KCNIP4: variants seen among roughly 807,000 people sequenced by gnomAD.
KCNIP4 encodes the protein Kv channel-interacting protein 4.
A neutral mutation model predicts 34.0 loss-of-function variants in KCNIP4; 12 were observed. The observed-to-expected ratio is 0.35, with a 90% confidence interval of 0.23 to 0.57. KCNIP4 has a LOEUF of 0.57. Among genes scored for constraint, KCNIP4 ranks in the 20% least tolerant of loss-of-function variants. The pLI is 0.83. For synonymous variants in KCNIP4, 124 were observed against 102.2 expected (o/e 1.21, Z -1.29); for missense variants, 238 against 311.7 (o/e 0.76, Z 1.78).
chr4:21,622,917 C>A (rs1910525), intron 1 of KCNIP4, among the ~76,000 whole-genome samples: 32 of 151,862 alleles, frequency 2.1e-4, no homozygotes, highest in Non-Finnish European at 4.4e-4. Flanking sequence ...AACTTAATAA[C>A]TGGGAAGATT....
intron 1 of KCNIP4, among the ~76,000 whole-genome samples, chr4:21,896,556 T>A (rs1306350013): frequency 3.9e-5 from 6 of 152,162 alleles, no homozygotes; most frequent in Admixed American, 3.9e-4. Flanking sequence ...GTTGAGGCTA[T>A]CATGAAAGGC....
At chr4:21,037,753 A>G (rs1456397927) in intron 1 of KCNIP4, among the ~76,000 whole-genome samples, 1 of 152,228 alleles carries the variant, frequency 6.6e-6, no homozygotes, top group Non-Finnish European at 1.5e-5. Context: ...GCCATTCACA[A>G]AGGAAGTTAA....
intron 1 of KCNIP4, among the ~76,000 whole-genome samples, chr4:21,427,736 AT>A (rs1422036464): frequency 3.3e-5 from 5 of 152,320 alleles, no homozygotes; most frequent in Admixed American, 3.3e-4. Context: ...TCTTGACATG[AT>A]AGGCATAAGA....
chr4:21,520,739 C>T (rs1171462018), intron 1 of KCNIP4, among the ~76,000 whole-genome samples: 2 of 152,054 alleles, frequency 1.3e-5, no homozygotes, highest in African/African-American at 2.4e-5. Flanking sequence ...AAAAATGCTG[C>T]CTGCCCACCT....
chr4:21,112,821 C>T (rs112774341), intron 1 of KCNIP4, among the ~76,000 whole-genome samples: 3,862 of 152,184 alleles, frequency 0.025, 62 homozygotes, highest in Non-Finnish European at 0.04. Context: ...TGTTTCCATA[C>T]TCATCTGGCT....
At chr4:20,859,664 C>T (rs975583525) in intron 2 of KCNIP4, among the ~76,000 whole-genome samples, 8 of 152,104 alleles carry the variant, frequency 5.3e-5, no homozygotes, top group East Asian at 1.9e-4. Context: ...AAATAGTCAT[C>T]GTTCTCCTCT....
intron 1 of KCNIP4, among the ~76,000 whole-genome samples, chr4:21,042,127 T>C (rs1419728284): frequency 2.0e-5 from 3 of 152,158 alleles, no homozygotes; most frequent in Non-Finnish European, 2.9e-5. Context: ...GGGAGCCGCC[T>C]TAAGGGTGTT....
chr4:21,214,135 T>C (rs1367441192), intron 1 of KCNIP4, among the ~76,000 whole-genome samples: 1 of 152,222 alleles, frequency 6.6e-6, no homozygotes, highest in Admixed American at 6.5e-5. Context: ...TAGCACTGTG[T>C]CTGGTCAGTA....
chr4:20,929,910 C>T (rs1399855643), intron 1 of KCNIP4, among the ~76,000 whole-genome samples: 1 of 151,756 alleles, frequency 6.6e-6, no homozygotes, highest in Non-Finnish European at 1.5e-5. Flanking sequence ...GTTCATGAAT[C>T]AAAAAATTTA....
At chr4:21,430,550 C>T (rs551547836) in intron 1 of KCNIP4, among the ~76,000 whole-genome samples, 1 of 152,158 alleles carries the variant, frequency 6.6e-6, no homozygotes, top group South Asian at 2.1e-4. Flanking sequence ...ATGGGTGATG[C>T]TTCAAAAGCC....
intron 1 of KCNIP4, among the ~76,000 whole-genome samples, chr4:21,398,166 A>G (rs1039044500): frequency 6.6e-6 from 1 of 152,214 alleles, no homozygotes; most frequent in African/African-American, 2.4e-5. Context: ...TTTTCCCAGA[A>G]TTTAAGCTAA....
chr4:21,298,021 G>T (rs1049393002), intron 1 of KCNIP4, among the ~76,000 whole-genome samples: 3 of 152,076 alleles, frequency 2.0e-5, no homozygotes, highest in Non-Finnish European at 4.4e-5. Flanking sequence ...TTACTTCCTT[G>T]TGATCTTAAG....
chr4:20,762,652 A>G (rs1253645731), intron 3 of KCNIP4, among the ~76,000 whole-genome samples: 1 of 152,208 alleles, frequency 6.6e-6, no homozygotes, highest in Admixed American at 6.5e-5. Context: ...AACATAAACA[A>G]TGTGCTGTAT....
intron 3 of KCNIP4, among the ~76,000 whole-genome samples, chr4:20,777,487 G>T (rs1756474595): frequency 6.6e-6 from 1 of 152,136 alleles, no homozygotes; most frequent in African/African-American, 2.4e-5. Context: ...TTATAAAAGA[G>T]GCCCAAAGAG....
chr4:21,406,458 G>A (rs138548151), intron 1 of KCNIP4, among the ~76,000 whole-genome samples: 3 of 152,140 alleles, frequency 2.0e-5, no homozygotes, highest in Admixed American at 6.5e-5. Context: ...CATCACCCAC[G>A]GGCAAAAAGC....
chr4:21,813,901 C>A (rs188852814), intron 1 of KCNIP4, among the ~76,000 whole-genome samples: 123 of 152,268 alleles, frequency 8.1e-4, no homozygotes, highest in African/African-American at 2.7e-3. Flanking sequence ...AAGGTAGAAT[C>A]ATTCATGTCC....
chr4:21,463,079 G>T (rs936102349), intron 1 of KCNIP4, among the ~76,000 whole-genome samples: 3 of 151,888 alleles, frequency 2.0e-5, no homozygotes, highest in African/African-American at 7.3e-5. Context: ...TTAATTTTTT[G>T]AGAAATCTCC....
At chr4:20,879,942 G>T (rs1403256168) in intron 2 of KCNIP4, among the ~76,000 whole-genome samples, 1 of 152,140 alleles carries the variant, frequency 6.6e-6, no homozygotes, top group Non-Finnish European at 1.5e-5. Flanking sequence ...TATATTGAGA[G>T]TGGGAGGTAA....
chr4:21,801,691 C>T (rs2109253672), intron 1 of KCNIP4, among the ~76,000 whole-genome samples: 1 of 152,134 alleles, frequency 6.6e-6, no homozygotes, highest in East Asian at 1.9e-4. Context: ...TCACTGCAAC[C>T]TCCACCTCCC....
Sources: gnomAD v4.1 joint callset for allele counts (sites outside exome capture counted in the v4.1 genomes callset) on GRCh38, gnomAD v4.1.1 for gene constraint, MANE v1.5 for transcripts, NCBI Gene and HGNC (gene_info 2026-07-23, HGNC 2026-07-21) for gene names.